The following DAB1 variants were observed in gnomAD, a reference collection of about 807,000 sequenced individuals.
DAB1 encodes the protein disabled homolog 1.
In DAB1, 15 loss-of-function variants were observed where a neutral mutation model predicts 64.6. The ratio of observed to expected loss-of-function variants is 0.23; its 90% CI spans 0.16 to 0.36. The LOEUF (loss-of-function observed/expected upper bound fraction) is 0.36. Among genes scored for constraint, DAB1 ranks in the 10% least tolerant of loss-of-function variants. The pLI, the probability that DAB1 is intolerant of heterozygous loss-of-function variation, is 1.00. For synonymous variants in DAB1, 235 were observed against 251.9 expected (o/e 0.93, Z 0.64); for missense variants, 596 against 706.7 (o/e 0.84, Z 1.78).
intron 4 of DAB1, among the ~76,000 whole-genome samples, chr1:58,316,737 G>T (rs78924090): frequency 0.014 from 2,193 of 152,292 alleles, 25 homozygotes; most frequent in Non-Finnish European, 0.023. Context: ...TGTTACCCCT[G>T]CTCATTTGCT....
chr1:58,183,696 A>G (rs1343995326), intron 4 of DAB1, among the ~76,000 whole-genome samples: 1 of 152,006 alleles, frequency 6.6e-6, no homozygotes, highest in Non-Finnish European at 1.5e-5. Flanking sequence ...ATGACGTATT[A>G]TAGGAATTCT....
chr1:58,381,008 G>A (rs1644383145), intron 3 of DAB1, among the ~76,000 whole-genome samples: 1 of 152,164 alleles, frequency 6.6e-6, no homozygotes. Context: ...AGATGGAGCT[G>A]GAAGCCATTA....
chr1:58,407,967 T>C (rs1644632374), intron 3 of DAB1, among the ~76,000 whole-genome samples: 1 of 152,160 alleles, frequency 6.6e-6, no homozygotes, highest in African/African-American at 2.4e-5. Context: ...TTCCTACTAC[T>C]TGCCTCCTCA....
At chr1:57,062,194 G>A (rs150334858) in intron 9 of DAB1, among the ~76,000 whole-genome samples, 3 of 152,282 alleles carry the variant, frequency 2.0e-5, no homozygotes, top group Non-Finnish European at 4.4e-5. Context: ...GGCACATGGG[G>A]TCCAGATCCA....
chr1:58,174,479 A>C (rs1245952160), intron 4 of DAB1, among the ~76,000 whole-genome samples: 2 of 152,210 alleles, frequency 1.3e-5, no homozygotes, highest in African/African-American at 4.8e-5. Flanking sequence ...TGACCTAAAG[A>C]GTTCCCCTCT....
chr1:58,288,014 T>TCC (rs1661727311), intron 4 of DAB1, among the ~76,000 whole-genome samples: 1 of 77,556 alleles, frequency 1.3e-5, no homozygotes. Context: ...AGAGCAAGAC[T>TCC]GCCTCAAAAA....
intron 6 of DAB1, among the ~76,000 whole-genome samples, chr1:57,760,981 C>T (rs960984279): frequency 3.3e-5 from 5 of 152,178 alleles, no homozygotes; most frequent in African/African-American, 1.2e-4. Context: ...TGGCAAATGA[C>T]ATGAGTATAA....
At chr1:57,047,181 G>A (rs1648609739) in intron 9 of DAB1, among the ~76,000 whole-genome samples, 1 of 152,144 alleles carries the variant, frequency 6.6e-6, no homozygotes, top group Non-Finnish European at 1.5e-5. Context: ...TATCCTTTAT[G>A]GTAGAGAAGA....
intron 4 of DAB1, among the ~76,000 whole-genome samples, chr1:58,275,007 T>C (rs903283688): frequency 2.6e-5 from 4 of 152,202 alleles, no homozygotes; most frequent in African/African-American, 9.6e-5. Flanking sequence ...GAGCTGTTCC[T>C]ATTCGGCCAT....
intron 5 of DAB1, among the ~76,000 whole-genome samples, chr1:57,935,334 C>T (rs894753042): frequency 6.6e-6 from 1 of 152,132 alleles, no homozygotes; most frequent in Non-Finnish European, 1.5e-5. Context: ...TTAATAGATA[C>T]CTCATGGAGA....
At chr1:57,111,740 C>T (rs1237975867) in intron 4 of DAB1, among the ~76,000 whole-genome samples, 2 of 152,142 alleles carry the variant, frequency 1.3e-5, no homozygotes, top group Admixed American at 1.3e-4. Flanking sequence ...CCTGACTCTT[C>T]CAATAAAATA....
chr1:58,458,396 A>C (rs1293850993), intron 3 of DAB1, among the ~76,000 whole-genome samples: 3 of 152,226 alleles, frequency 2.0e-5, no homozygotes, highest in Non-Finnish European at 4.4e-5. Flanking sequence ...GGAAACAGTG[A>C]TCAGCTGGTC....
intron 7 of DAB1, among the ~76,000 whole-genome samples, chr1:57,590,410 C>T (rs576487838): frequency 4.5e-4 from 68 of 152,126 alleles, no homozygotes; most frequent in African/African-American, 1.6e-3. Context: ...ACCTCCACCT[C>T]CCGGTTTCAA....
At chr1:58,228,638 T>G in intron 4 of DAB1, 1 of 911,198 alleles carries the variant, frequency 1.1e-6, no homozygotes, top group South Asian at 1.4e-5. Flanking sequence ...GAGGTTCACA[T>G]GCCAAAGCAA....
intron 1 of DAB1, among the ~76,000 whole-genome samples, chr1:57,847,661 G>T (rs1249143389): frequency 6.6e-6 from 1 of 152,016 alleles, no homozygotes; most frequent in African/African-American, 2.4e-5. Context: ...GACCAAGAAG[G>T]TTATTTTTAT....
At chr1:57,933,212 G>A (rs1644978236) in intron 5 of DAB1, among the ~76,000 whole-genome samples, 1 of 152,172 alleles carries the variant, frequency 6.6e-6, no homozygotes, top group Admixed American at 6.5e-5. Context: ...TTCCTATGCT[G>A]GCCCTGGTTC....
chr1:58,364,415 G>A (rs1557740365), intron 3 of DAB1, among the ~76,000 whole-genome samples: 1 of 152,196 alleles, frequency 6.6e-6, no homozygotes, highest in Non-Finnish European at 1.5e-5. Flanking sequence ...GAAGCTAGCA[G>A]GAAGCCAGCT....
intron 4 of DAB1, among the ~76,000 whole-genome samples, chr1:57,073,451 T>C (rs1321195166): frequency 6.6e-6 from 1 of 152,204 alleles, no homozygotes; most frequent in African/African-American, 2.4e-5. Flanking sequence ...ATGTTCACCA[T>C]CCTATCGGGT....
At chr1:57,522,077 T>C (rs1159060120) in intron 7 of DAB1, among the ~76,000 whole-genome samples, 1 of 151,550 alleles carries the variant, frequency 6.6e-6, no homozygotes, top group African/African-American at 2.4e-5. Context: ...GCCACTGCAC[T>C]CCAGCCTGGG....
Sources: gnomAD v4.1 joint callset for allele counts (sites outside exome capture counted in the v4.1 genomes callset) on GRCh38, gnomAD v4.1.1 for gene constraint, MANE v1.5 for transcripts, NCBI Gene and HGNC (gene_info 2026-07-23, HGNC 2026-07-21) for gene names.